The following TMEM248 variants were observed in gnomAD, a reference collection of about 807,000 sequenced individuals.
TMEM248 encodes the protein transmembrane protein 248.
In TMEM248, 9 loss-of-function variants were observed where a neutral mutation model predicts 30.3. The ratio of observed to expected loss-of-function variants is 0.30; its 90% CI spans 0.18 to 0.52. The LOEUF (loss-of-function observed/expected upper bound fraction) is 0.52. Among genes scored for constraint, TMEM248 ranks in the 20% least tolerant of loss-of-function variants. The probability of loss-of-function intolerance (pLI) is 0.97; values close to 1 mark genes in which losing one functional copy is unlikely to be tolerated. For missense variants in TMEM248, 338 were observed against 403.3 expected (o/e 0.84, Z 1.39); for synonymous variants, 184 against 154.4 (o/e 1.19, Z -1.42).
At chr7:66,946,352 T>C (rs199761261) in intron 3 of TMEM248, among the ~76,000 whole-genome samples, 1 of 151,606 alleles carries the variant, frequency 6.6e-6, no homozygotes, top group African/African-American at 2.4e-5. Context: ...CCGAGGTGGG[T>C]GGATCACTTG....
chr7:66,955,590 G>A lies in TMEM248; in HGVS notation c.*68G>A. On this transcript the variant is annotated 3_prime_UTR_variant, in exon 7 of 7. Coordinates refer to ENST00000341567, the MANE Select transcript of TMEM248 (RefSeq NM_017994.5). Reference sequence around the variant, plus strand: ...AATCCTTGCCTGCTGAACCCAGCCTGGGCCTGGATGCTCTGTGAATACATT... The same window carrying A: ...AATCCTTGCCTGCTGAACCCAGCCTAGGCCTGGATGCTCTGTGAATACATT... 1 of 1,581,208 alleles carries A rather than the reference G, an allele frequency of 6.3e-7. No individual in the cohort carries two copies. The highest frequency in any genetic ancestry group is 8.7e-7 in the Non-Finnish European group (1 of 1,153,902).
intron 5 of TMEM248, among the ~76,000 whole-genome samples, chr7:66,952,194 A>G (rs1792285034): frequency 6.6e-6 from 1 of 151,624 alleles, no homozygotes; most frequent in Non-Finnish European, 1.5e-5. Context: ...GATTGAAGTG[A>G]TTCTAAGTAG....
At chr7:66,944,592 T>A (rs1486573597) in intron 2 of TMEM248, among the ~76,000 whole-genome samples, 1 of 152,246 alleles carries the variant, frequency 6.6e-6, no homozygotes, top group Non-Finnish European at 1.5e-5. Flanking sequence ...GAATTGTAGT[T>A]GCAAAATGAG....
chr7:66,937,473 A>G (rs752119978), intron 1 of TMEM248, among the ~76,000 whole-genome samples: 2 of 152,170 alleles, frequency 1.3e-5, no homozygotes, highest in African/African-American at 2.4e-5. Flanking sequence ...TCCAGCTATG[A>G]TTGTACTGGG....
At position 66,957,232 on chromosome 7, in the gene TMEM248, C is replaced by T. The variant is rs1299275365; in HGVS notation, c.*1710C>T. The T allele has an allele frequency of 6.6e-6, 1 of 152,558 alleles. No homozygotes were observed. The highest frequency in any genetic ancestry group is 6.6e-5 in the Admixed American group (1 of 15,256). The allele number at this position is 152,558 out of a possible 1,614,324, so 9.5% of individuals were successfully genotyped here. On this transcript the variant is annotated 3_prime_UTR_variant, in exon 7 of 7. Transcript: ENST00000341567. ...CTTTCCTTAACTCTAGGTTTGTAGT[C>T]TGTTTTAAATTAGGATTAGTTCCTG... is the stretch of plus-strand genomic sequence containing the variant.
At chr7:66,926,196 C>T (rs544128741) in intron 1 of TMEM248, among the ~76,000 whole-genome samples, 1 of 152,304 alleles carries the variant, frequency 6.6e-6, no homozygotes, top group Admixed American at 6.5e-5. Flanking sequence ...CTGTTCGTGT[C>T]CCTTGCCCAT....
At chr7:66,934,333 T>C (rs1296390372) in intron 1 of TMEM248, among the ~76,000 whole-genome samples, 1 of 152,154 alleles carries the variant, frequency 6.6e-6, no homozygotes, top group African/African-American at 2.4e-5. Context: ...CCTGAGTAGC[T>C]GGGATTACAG....
intron 1 of TMEM248, among the ~76,000 whole-genome samples, chr7:66,926,509 A>G (rs1791528094): frequency 6.6e-6 from 1 of 152,138 alleles, no homozygotes; most frequent in Non-Finnish European, 1.5e-5. Context: ...AAGCATGCTT[A>G]CAAGCTACTT....
chr7:66,928,545 A>G (rs1791582073), intron 1 of TMEM248, among the ~76,000 whole-genome samples: 1 of 152,184 alleles, frequency 6.6e-6, no homozygotes, highest in Non-Finnish European at 1.5e-5. Context: ...GCAGTGTTGC[A>G]AGGATTAAAA....
Position 66,944,955 on chromosome 7 carries a change from CT to C in TMEM248, c.160-18del, listed in dbSNP as rs751164737. The C allele has an allele frequency of 2.2e-5, 36 of 1,612,208 alleles. No individual in the cohort carries two copies. The African/African-American group carries it at 3.5e-4, about 16-fold the overall frequency. ...CAGGCGCTGCTTAACACCCATTTCT[CT>C]TTCTTTCACTTTCCCAAAGGATTGG... On this transcript the variant is annotated intron_variant, in intron 2 of 6. Transcript: ENST00000341567.
intron 1 of TMEM248, among the ~76,000 whole-genome samples, chr7:66,922,572 G>A (rs1359238616): frequency 1.3e-5 from 2 of 152,108 alleles, no homozygotes; most frequent in African/African-American, 2.4e-5. Context: ...GAGAATTCCT[G>A]TGGCCTGAAT....
intron 1 of TMEM248, among the ~76,000 whole-genome samples, chr7:66,940,889 C>T (rs1301121029): frequency 1.3e-5 from 2 of 152,156 alleles, no homozygotes; most frequent in Non-Finnish European, 2.9e-5. Flanking sequence ...GTATTTGTGT[C>T]ACATTACTGA....
intron 1 of TMEM248, among the ~76,000 whole-genome samples, chr7:66,941,254 G>A (rs917215255): frequency 4.6e-5 from 7 of 152,120 alleles, no homozygotes; most frequent in East Asian, 3.9e-4. Flanking sequence ...GGCGGCACAT[G>A]CCTGTAGTCT....
intron 1 of TMEM248, among the ~76,000 whole-genome samples, chr7:66,925,977 C>T (rs753299274): frequency 6.6e-6 from 1 of 152,146 alleles, no homozygotes; most frequent in African/African-American, 2.4e-5. Flanking sequence ...GTGCTGTTTT[C>T]CATCTTGGCT....
intron 6 of TMEM248, among the ~76,000 whole-genome samples, chr7:66,954,004 C>A (rs1442128187): frequency 7.2e-6 from 1 of 138,044 alleles, no homozygotes; most frequent in Non-Finnish European, 1.5e-5. Context: ...AGTGCTGTGG[C>A]ACGATCTTGG....
At chr7:66,944,103 C>CTTTTTTT (rs397891070) in intron 2 of TMEM248, among the ~76,000 whole-genome samples, 1 of 112,368 alleles carries the variant, frequency 8.9e-6, no homozygotes, top group South Asian at 3.0e-4. Flanking sequence ...CCTCAGATGG[C>CTTTTTTT]TTTTTTTTTT....
At chr7:66,943,795 C>CTTT (rs200837017) in intron 2 of TMEM248, among the ~76,000 whole-genome samples, 1 of 144,856 alleles carries the variant, frequency 6.9e-6, no homozygotes, top group Non-Finnish European at 1.5e-5. Context: ...GCTCAGATGA[C>CTTT]TTTTTTTTTT....
chr7:66,922,117 T>A (rs1182747252), intron 1 of TMEM248: 1 of 152,222 alleles, frequency 6.6e-6, no homozygotes, highest in African/African-American at 2.4e-5. Context: ...TGTGGAAGAA[T>A]CTGATGTCTG....
At chr7:66,941,052 C>A (rs1791935068) in intron 1 of TMEM248, among the ~76,000 whole-genome samples, 1 of 152,138 alleles carries the variant, frequency 6.6e-6, no homozygotes, top group South Asian at 2.1e-4. Context: ...GAGATCAAGA[C>A]CAGCCTGGGC....
Sources: allele counts gnomAD v4.1 joint callset (sites outside exome capture counted in the v4.1 genomes callset), GRCh38; gene constraint gnomAD v4.1.1; transcripts MANE v1.5; gene names NCBI Gene and HGNC (gene_info 2026-07-23, HGNC 2026-07-21).